The following RICTOR variants were observed in gnomAD, a reference collection of about 807,000 sequenced individuals.
The protein encoded by RICTOR is rapamycin-insensitive companion of mTOR.
Under a neutral mutation model 214.9 loss-of-function variants are expected in RICTOR, and 49 were observed. The observed-to-expected ratio is 0.23, with a 90% CI of 0.18 to 0.29. The LOEUF is 0.29. Ranked by LOEUF, RICTOR falls within the 10% of genes least tolerant of loss-of-function variation. The probability of loss-of-function intolerance (pLI) is 1.00; values close to 1 mark genes in which losing one functional copy is unlikely to be tolerated. For missense variants in RICTOR, 1,625 were observed against 2,047.0 expected (o/e 0.79, Z 3.98); for synonymous variants, 717 against 711.3 (o/e 1.01, Z -0.13).
intron 2 of RICTOR, among the ~76,000 whole-genome samples, chr5:39,053,253 G>A (rs144661696): frequency 1.7e-4 from 26 of 152,282 alleles, no homozygotes; most frequent in African/African-American, 6.0e-4. Context: ...TGCTAAAGGT[G>A]CAAAATATCC....
chr5:39,067,224 G>A (rs1758969092), intron 2 of RICTOR, among the ~76,000 whole-genome samples: 1 of 152,184 alleles, frequency 6.6e-6, no homozygotes, highest in African/African-American at 2.4e-5. Flanking sequence ...GCCTCAGGGT[G>A]TTTCTGCTCA....
At chr5:39,046,788 A>G (rs1757529971) in intron 2 of RICTOR, among the ~76,000 whole-genome samples, 1 of 152,170 alleles carries the variant, frequency 6.6e-6, no homozygotes, top group Non-Finnish European at 1.5e-5. Flanking sequence ...TAAAGCTTTG[A>G]GTTAAATGAA....
At chr5:39,009,907 A>G (rs1754367322) in intron 3 of RICTOR, among the ~76,000 whole-genome samples, 1 of 152,188 alleles carries the variant, frequency 6.6e-6, no homozygotes, top group African/African-American at 2.4e-5. Context: ...ACTTCTTGTG[A>G]TGACTACCTT....
In RICTOR at chr5:39,001,575, C is replaced by T. The variant is rs535751356; in HGVS notation, c.392+960G>A. Reference sequence around the variant, plus strand: ...ATTATGAACTTTTGTTCATCAAAGACCCATTAAAAGAATGAAGAGGCAAGG... The same window carrying T: ...ATTATGAACTTTTGTTCATCAAAGATCCATTAAAAGAATGAAGAGGCAAGG... On this transcript the variant is annotated intron_variant, in intron 5 of 37. Coordinates refer to ENST00000357387, the MANE Select transcript of RICTOR (RefSeq NM_152756.5). Among the ~76,000 whole-genome samples the T allele has an allele frequency of 5.6e-4, 85 of 152,110 alleles. 1 individual carries two copies. The South Asian group carries it at 0.017, about 30-fold the overall frequency.
intron 7 of RICTOR, among the ~76,000 whole-genome samples, chr5:38,987,765 T>G (rs991613992): frequency 6.6e-6 from 1 of 152,164 alleles, no homozygotes; most frequent in Non-Finnish European, 1.5e-5. Flanking sequence ...ACTTGTTTGC[T>G]CTTGCTTCTC....
chr5:38,987,564 T>C (rs1340423460), intron 7 of RICTOR, among the ~76,000 whole-genome samples: 3 of 152,218 alleles, frequency 2.0e-5, no homozygotes, highest in Non-Finnish European at 4.4e-5. Context: ...GATATCCCCT[T>C]TATCATTTTT....
rs1277982612 is a variant in RICTOR, at chr5:38,946,448, T to G, written c.4399+20A>C. 1 of 1,481,388 alleles carries G rather than the reference T, an allele frequency of 6.8e-7. No homozygotes were observed. Among genetic ancestry groups the G allele is most frequent in the South Asian group, 1.1e-5 (1 of 87,998 alleles). 91.8% of individuals were successfully genotyped at this position (1,481,388 alleles called of 1,614,324 possible). A position where few individuals can be genotyped will look rare whatever the true frequency, so the allele number is the denominator to read the frequency against. ...TTAATATAAAGAGGCATCTCACAAGTACAATGCACAATGCATTACCTCCTG... is the reference window on the plus strand; with the variant it reads ...TTAATATAAAGAGGCATCTCACAAGGACAATGCACAATGCATTACCTCCTG... On this transcript the variant is annotated intron_variant, in intron 33 of 37. Coordinates refer to ENST00000357387, the MANE Select transcript of RICTOR (RefSeq NM_152756.5).
At chr5:38,972,802 T>A (rs1750895222) in intron 10 of RICTOR, among the ~76,000 whole-genome samples, 1 of 150,856 alleles carries the variant, frequency 6.6e-6, no homozygotes, top group Non-Finnish European at 1.5e-5. Flanking sequence ...AAAGTTTGTA[T>A]GGAATTGCTC....
chr5:38,948,843 T>A (rs1748451960), intron 31 of RICTOR, among the ~76,000 whole-genome samples: 2 of 152,056 alleles, frequency 1.3e-5, no homozygotes, highest in Admixed American at 6.6e-5. Flanking sequence ...TGTTAAGCAT[T>A]ATTGAAACAA....
At chr5:39,053,492 G>A (rs985146541) in intron 2 of RICTOR, among the ~76,000 whole-genome samples, 1 of 152,170 alleles carries the variant, frequency 6.6e-6, no homozygotes, top group Non-Finnish European at 1.5e-5. Context: ...AAAGGCACAC[G>A]TGCTCATGCT....
Position 39,035,194 on chromosome 5 carries a change from T to C in RICTOR, c.98-14058A>G, listed in dbSNP as rs575753948. ...TCCACTGTTCTGCAGCCACCACTGC[T>C]GATACCCAGGCAAACAGGGTCTGGA... On this transcript the variant is annotated intron_variant, in intron 2 of 37. Coordinates refer to ENST00000357387, the MANE Select transcript of RICTOR (RefSeq NM_152756.5). Among the ~76,000 whole-genome samples the C allele has an allele frequency of 1.5e-3, 227 of 152,318 alleles. 1 individual carries two copies. Among genetic ancestry groups the C allele is most frequent in the Middle Eastern group, 0.01 (3 of 294 alleles).
At chr5:39,073,476 G>C (rs1279044446) in intron 2 of RICTOR, among the ~76,000 whole-genome samples, 1 of 152,176 alleles carries the variant, frequency 6.6e-6, no homozygotes, top group Non-Finnish European at 1.5e-5. Flanking sequence ...AGGGTGAGGG[G>C]GCGGTCTTTA....
At chr5:38,944,039 T>C (rs1223211425) in intron 36 of RICTOR, among the ~76,000 whole-genome samples, 3 of 152,196 alleles carry the variant, frequency 2.0e-5, no homozygotes, top group Non-Finnish European at 4.4e-5. Context: ...CAGCCACCAT[T>C]AACTACTATA....
intron 26 of RICTOR, among the ~76,000 whole-genome samples, 160 bp downstream of exon 26, chr5:38,955,435 G>A (rs1230107828): frequency 6.6e-6 from 1 of 152,026 alleles, no homozygotes; most frequent in Non-Finnish European, 1.5e-5. Context: ...TATCAGTAAG[G>A]ATATTCAACA....
chr5:38,977,925 GTATACTATGTA>G (rs1182433957), intron 9 of RICTOR, among the ~76,000 whole-genome samples: 1 of 152,080 alleles, frequency 6.6e-6, no homozygotes, highest in Non-Finnish European at 1.5e-5. Flanking sequence ...CCCTGGCAAT[GTATACTATGTA>G]TCACAGTAAG....
At position 39,034,615 on chromosome 5, in the gene RICTOR, C is replaced by G. The variant is rs539088739; in HGVS notation, c.98-13479G>C. On this transcript the variant is annotated intron_variant, in intron 2 of 37. Coordinates refer to ENST00000357387, the MANE Select transcript of RICTOR (RefSeq NM_152756.5). The stretch of plus-strand genomic sequence containing the variant: ...ACCTGGAAAATCGGGTCACTCACAC[C>G]CTAATACTGCGCTGTTCCAATGGGC... 7.9e-5 allele frequency among the ~76,000 whole-genome samples: 12 copies of G among 152,322 alleles called. No homozygotes were observed. In the South Asian group the frequency reaches 2.1e-3, roughly 26 times the overall value.
intron 3 of RICTOR, among the ~76,000 whole-genome samples, chr5:39,020,440 T>C (rs528913721): frequency 6.6e-6 from 1 of 152,326 alleles, no homozygotes; most frequent in Admixed American, 6.5e-5. Flanking sequence ...GCCACTGACA[T>C]TGAGGCAAGT....
intron 6 of RICTOR, among the ~76,000 whole-genome samples, chr5:38,993,054 T>C (rs1752904159): frequency 6.6e-6 from 1 of 152,102 alleles, no homozygotes. Context: ...GGTGGGTAGT[T>C]TGCCTACACA....
At chr5:39,005,272 C>T (rs181493801) in intron 3 of RICTOR, among the ~76,000 whole-genome samples, 69 of 152,172 alleles carry the variant, frequency 4.5e-4, no homozygotes, top group Admixed American at 8.5e-4. Flanking sequence ...CTACTTCTGT[C>T]CAAACTCTCC....
Sources: allele counts gnomAD v4.1 joint callset (sites outside exome capture counted in the v4.1 genomes callset), GRCh38; gene constraint gnomAD v4.1.1; transcripts MANE v1.5; gene names NCBI Gene and HGNC (gene_info 2026-07-23, HGNC 2026-07-21).